The following CWC15 variants were observed in gnomAD, a reference collection of about 807,000 sequenced individuals.
CWC15 encodes spliceosome-associated protein CWC15 homolog.
A neutral mutation model predicts 28.4 loss-of-function variants in CWC15; 12 were observed. That is an observed-to-expected ratio of 0.42 (90% CI 0.27 to 0.69). The LOEUF is 0.69. Among genes scored for constraint, CWC15 ranks in the 30% least tolerant of loss-of-function variants. CWC15 has a pLI of 0.23. For synonymous variants in CWC15, 92 were observed against 88.4 expected (o/e 1.04, Z -0.23); for missense variants, 192 against 271.5 (o/e 0.71, Z 2.06).
At chr11:94,970,711 GA>G (rs1178802825) in intron 4 of CWC15, 1 of 443,154 alleles carries the variant, frequency 2.3e-6, no homozygotes, top group Non-Finnish European at 4.1e-6. Context: ...TTTAGTACAG[GA>G]CATTATTTTG....
chr11:94,971,579 G>A, intron 2 of CWC15, 92 bp from the exon 3 acceptor site: 2 of 739,548 alleles, frequency 2.7e-6, no homozygotes, highest in Middle Eastern at 2.5e-4. Flanking sequence ...ATTCAGGAAT[G>A]AGACTTTGTC....
Position 94,970,038 on chromosome 11 carries a change from G to A in CWC15, c.392C>T (p.Ala131Val). The A allele has an allele frequency of 6.3e-7, 1 of 1,575,130 alleles. No homozygotes were observed. Among genetic ancestry groups the A allele is most frequent in the Non-Finnish European group, 8.6e-7 (1 of 1,159,658 alleles). The change falls in exon 5 of 7, where the codon GCA becomes GTA. Residue 131 changes from alanine (A) to valine (V), a missense_variant. Physicochemically the swap from Ala to Val is moderately conservative, Grantham distance 64. Coordinates refer to ENST00000279839, the MANE Select transcript of CWC15 (RefSeq NM_016403.4). ...SDDDDTAALL[A>V]ELEKIKKERA... ...TTCTTTTTTAATTTTTTCCAGTTCT[G>A]CAAGAAGAGCTGCAGTATCATCATC... is the stretch of plus-strand genomic sequence containing the variant.
At chr11:94,968,659 T>C (rs942422407) in intron 5 of CWC15, among the ~76,000 whole-genome samples, 4 of 152,162 alleles carry the variant, frequency 2.6e-5, no homozygotes, top group Non-Finnish European at 5.9e-5. Flanking sequence ...AATTATGCTC[T>C]CTTATACAAA....
chr11:94,967,191 C>T (rs587685572), intron 5 of CWC15, among the ~76,000 whole-genome samples: 1 of 152,106 alleles, frequency 6.6e-6, no homozygotes, highest in African/African-American at 2.4e-5. Flanking sequence ...TCATGCCCGG[C>T]TAATTTTTGT....
chr11:94,966,178 GCTATCCAA>G (rs1857636888), intron 6 of CWC15, 109 bp downstream of exon 6: 1 of 610,616 alleles, frequency 1.6e-6, no homozygotes, highest in Non-Finnish European at 2.8e-6. Context: ...AATGCACCTT[GCTATCCAA>G]CTTATAATCT....
intron 6 of CWC15, 35 bp from the exon 7 acceptor site, chr11:94,963,549 T>C (rs782188992): frequency 1.6e-4 from 246 of 1,535,510 alleles, no homozygotes; most frequent in Non-Finnish European, 2.0e-4. Flanking sequence ...CGTCTGAAAA[T>C]GTTTGTATCA....
intron 6 of CWC15, among the ~76,000 whole-genome samples, chr11:94,963,767 T>A (rs1228431394): frequency 1.3e-5 from 2 of 152,222 alleles, no homozygotes; most frequent in Non-Finnish European, 2.9e-5. Flanking sequence ...ACTTTTGAGT[T>A]AAAAAATAGA....
chr11:94,963,663 T>C, intron 6 of CWC15, 149 bp from the exon 7 acceptor site: 1 of 540,994 alleles, frequency 1.8e-6, no homozygotes. Context: ...AAGAATAATG[T>C]CATCCTTAAT....
At chr11:94,964,513 A>G (rs7927596) in intron 6 of CWC15, among the ~76,000 whole-genome samples, 2,800 of 152,304 alleles carry the variant, frequency 0.018, 56 homozygotes, top group Admixed American at 0.053. Context: ...AACAAACTAT[A>G]TAGCTTTATT....
chr11:94,971,578 T>A (rs1555096276), intron 2 of CWC15, 91 bp from the exon 3 acceptor site: 1 of 740,948 alleles, frequency 1.3e-6, no homozygotes, highest in Admixed American at 2.9e-5. Context: ...AATTCAGGAA[T>A]GAGACTTTGT....
intron 6 of CWC15, among the ~76,000 whole-genome samples, chr11:94,965,083 G>A (rs587727970): frequency 6.6e-6 from 1 of 152,142 alleles, no homozygotes; most frequent in Non-Finnish European, 1.5e-5. Flanking sequence ...CACTCCAAAG[G>A]GGAGGGCAGG....
At position 94,971,450 on chromosome 11, in the gene CWC15, G is replaced by C; in HGVS notation, c.169C>G (p.Arg57Gly). Reference protein sequence around the residue: ...TQDAPEEVRNRDFRRELEERE... With the variant: ...TQDAPEEVRNGDFRRELEERE... ...TCTTCCAACTCTCTCCTGAAGTCAC[G>C]GTTACGAACCTCTTCAGGGGCATCC... Residue 57 changes from arginine to glycine, a missense_variant, in exon 3 of 7, where the codon CGT becomes GGT. Arg to Gly is a moderately radical substitution (Grantham distance 125). This residue lies in a region of CWC15 where 188 missense variants were observed against 250.3 expected (regional missense o/e 0.75). Coordinates refer to ENST00000279839, the MANE Select transcript of CWC15 (RefSeq NM_016403.4). The C allele has an allele frequency of 6.2e-7, 1 of 1,611,982 alleles. No homozygotes were observed. The highest frequency in any genetic ancestry group is 8.5e-7 in the Non-Finnish European group (1 of 1,179,008).
intron 5 of CWC15, among the ~76,000 whole-genome samples, chr11:94,967,247 C>T (rs974360083): frequency 1.3e-5 from 2 of 152,056 alleles, no homozygotes; most frequent in African/African-American, 2.4e-5. Flanking sequence ...AGGCTGGTCT[C>T]GAACTCCTGA....
At chr11:94,970,827 T>A (rs1857709019) in intron 4 of CWC15, 150 bp downstream of exon 4, 1 of 666,526 alleles carries the variant, frequency 1.5e-6, no homozygotes. Flanking sequence ...TAAAATCAAC[T>A]ATAAAGTTTA....
intron 2 of CWC15, 38 bp from the exon 3 acceptor site, chr11:94,971,525 A>AACAT: frequency 1.3e-6 from 1 of 781,028 alleles, no homozygotes; most frequent in Non-Finnish European, 2.1e-6. Context: ...ATGTTACTTA[A>AACAT]ACACACACAC....
intron 2 of CWC15, 46 bp downstream of exon 2, chr11:94,972,009 G>T: frequency 1.9e-6 from 3 of 1,552,096 alleles, no homozygotes; most frequent in Non-Finnish European, 2.6e-6. Flanking sequence ...CCATTTAACA[G>T]ATCTGGTCTT....
chr11:94,969,589 A>T (rs587761784), intron 5 of CWC15, among the ~76,000 whole-genome samples: 2 of 152,298 alleles, frequency 1.3e-5, no homozygotes, highest in African/African-American at 4.8e-5. Context: ...AGCTTGACCT[A>T]GGTTATATAA....
chr11:94,965,087 G>C (rs781982465), intron 6 of CWC15, among the ~76,000 whole-genome samples: 13 of 151,784 alleles, frequency 8.6e-5, no homozygotes, highest in African/African-American at 1.2e-4. Context: ...CCAAAGGGGA[G>C]GGCAGGTAGC....
chr11:94,968,940 C>A (rs143215484), intron 5 of CWC15, among the ~76,000 whole-genome samples: 1 of 152,288 alleles, frequency 6.6e-6, no homozygotes, highest in African/African-American at 2.4e-5. Context: ...CAGGGGCAGA[C>A]AACCCTACCT....
Sources: gnomAD v4.1 joint callset for allele counts (sites outside exome capture counted in the v4.1 genomes callset) on GRCh38, gnomAD v4.1.1 for gene constraint, gnomAD v4.1.1 regional missense constraint, MANE v1.5 for transcripts, NCBI Gene and HGNC (gene_info 2026-07-23, HGNC 2026-07-21) for gene names.